Variants in RABGAP1 observed in about 807,000 individuals in gnomAD.
RABGAP1 encodes the protein rab GTPase-activating protein 1.
A neutral mutation model predicts 137.6 loss-of-function variants in RABGAP1; 23 were observed. That is an observed-to-expected ratio of 0.17 (90% CI 0.12 to 0.24). The LOEUF is 0.24. Ranked by LOEUF, RABGAP1 falls within the 10% of genes least tolerant of loss-of-function variation. The pLI, the probability that RABGAP1 is intolerant of heterozygous loss-of-function variation, is 1.00. For synonymous variants in RABGAP1, 451 were observed against 450.7 expected (o/e 1.00, Z -0.01); for missense variants, 906 against 1,275.8 (o/e 0.71, Z 4.42).
chr9:123,067,576 A>G (rs2132128102), intron 14 of RABGAP1, among the ~76,000 whole-genome samples: 1 of 152,312 alleles, frequency 6.6e-6, no homozygotes, highest in African/African-American at 2.4e-5. Flanking sequence ...TGTATGCATT[A>G]ACTACATTGA....
intron 1 of RABGAP1, among the ~76,000 whole-genome samples, chr9:122,950,578 T>C (rs890672703): frequency 6.6e-6 from 1 of 152,136 alleles, no homozygotes; most frequent in Admixed American, 6.5e-5. Flanking sequence ...ACCTCTGTTA[T>C]AACAAGCACT....
At chr9:123,090,704 C>T (rs572818537) in intron 21 of RABGAP1, among the ~76,000 whole-genome samples, 1 of 152,284 alleles carries the variant, frequency 6.6e-6, no homozygotes, top group Non-Finnish European at 1.5e-5. Flanking sequence ...ATTATAATTA[C>T]GTTAACCTCC....
At position 123,070,318 on chromosome 9, in the gene RABGAP1, T is replaced by C; in HGVS notation, c.1909-32T>C. ...CATGGCCCACAAGTGGCTACATTCA[T>C]TTACATTTCCTCTGTGTGTTTTATT... On this transcript the variant is annotated intron_variant, in intron 14 of 25. Coordinates refer to ENST00000373647, the MANE Select transcript of RABGAP1 (RefSeq NM_012197.4). The surrounding 1 kb of genome is among the most constrained non-coding windows in gnomAD (Gnocchi z 4.4). 6.2e-7 allele frequency: 1 copy of C among 1,613,378 alleles called. No individual in the cohort carries two copies. The highest frequency in any genetic ancestry group is 8.5e-7 in the Non-Finnish European group (1 of 1,179,666).
the RABGAP1 span, among the ~76,000 whole-genome samples, chr9:122,935,289 CCTTT>C: frequency 6.6e-6 from 1 of 152,190 alleles, no homozygotes; most frequent in Admixed American, 6.5e-5. Context: ...TCTGCCCTTT[CCTTT>C]CTGTTACTGA....
chr9:122,971,484 C>T (rs1041184372), intron 2 of RABGAP1, among the ~76,000 whole-genome samples: 4 of 152,058 alleles, frequency 2.6e-5, no homozygotes, highest in Non-Finnish European at 1.5e-5. Context: ...GTTAGCAAAC[C>T]CCAGCAGAAC....
At chr9:123,093,541 A>G (rs531195658) in intron 21 of RABGAP1, among the ~76,000 whole-genome samples, 22 of 152,316 alleles carry the variant, frequency 1.4e-4, no homozygotes, top group African/African-American at 5.1e-4. Context: ...TCAGCTCCTT[A>G]TTAGTTCTGT....
upstream of RABGAP1, among the ~76,000 whole-genome samples, chr9:122,937,220 A>G (rs555944791): frequency 2.6e-5 from 4 of 152,330 alleles, no homozygotes; most frequent in East Asian, 5.8e-4. Flanking sequence ...AAATAAATCA[A>G]CTCAAACTAT....
chr9:123,069,161 G>A (rs557527960), intron 14 of RABGAP1, among the ~76,000 whole-genome samples: 16 of 152,182 alleles, frequency 1.1e-4, no homozygotes, highest in Non-Finnish European at 2.2e-4. Flanking sequence ...GAGGAGATGG[G>A]TAGTAATCAT....
At chr9:123,033,878 T>C (rs1041700079) in intron 13 of RABGAP1, 12 of 152,260 alleles carry the variant, frequency 7.9e-5, no homozygotes, top group Admixed American at 7.9e-4. Context: ...TGAAAGGTTT[T>C]CCTAAATATT....
chr9:123,029,292 G>A, intron 13 of RABGAP1: 2 of 562,462 alleles, frequency 3.6e-6, no homozygotes, highest in Non-Finnish European at 3.2e-6. Flanking sequence ...AAAATAATAT[G>A]TTAATTAATC....
In RABGAP1 at chr9:123,030,125, A is replaced by G. The variant is rs75376443; in HGVS notation, c.1794+9666A>G. On this transcript the variant is annotated intron_variant, in intron 13 of 25. Coordinates refer to ENST00000373647, the MANE Select transcript of RABGAP1 (RefSeq NM_012197.4). ...GCAGGTCAGAAAGTATTTAGCTAGC[A>G]ATGAAATGGTTAAGTATCGGTAAGT... is the stretch of plus-strand genomic sequence containing the variant. Among the ~76,000 whole-genome samples the G allele has an allele frequency of 8.9e-3, 1,353 of 152,312 alleles. 16 individuals carry two copies. Among genetic ancestry groups the G allele is most frequent in the African/African-American group, 0.031 (1,280 of 41,580 alleles).
At chr9:123,022,821 C>T (rs1252671232) in intron 13 of RABGAP1, among the ~76,000 whole-genome samples, 5 of 152,044 alleles carry the variant, frequency 3.3e-5, no homozygotes, top group Non-Finnish European at 7.4e-5. Context: ...TGATAGCTAA[C>T]GTAAGTTGGT....
intron 13 of RABGAP1, among the ~76,000 whole-genome samples, chr9:123,056,725 A>G (rs1390571612): frequency 6.6e-6 from 1 of 151,948 alleles, no homozygotes; most frequent in South Asian, 2.1e-4. Context: ...AACAAAGCAC[A>G]TCTTGCACCG....
At chr9:122,946,960 C>T (rs1444682566) in intron 1 of RABGAP1, among the ~76,000 whole-genome samples, 1 of 152,052 alleles carries the variant, frequency 6.6e-6, no homozygotes. Context: ...ATGGATATCC[C>T]AAGTCTCTGA....
intron 2 of RABGAP1, among the ~76,000 whole-genome samples, chr9:122,981,045 G>C (rs1464246163): frequency 2.6e-5 from 4 of 151,998 alleles, no homozygotes; most frequent in Non-Finnish European, 5.9e-5. Context: ...TGTTGTTGTT[G>C]TTGTTCTTGT....
chr9:123,030,864 AT>A (rs2032261579), intron 13 of RABGAP1, among the ~76,000 whole-genome samples: 1 of 152,184 alleles, frequency 6.6e-6, no homozygotes, highest in South Asian at 2.1e-4. Flanking sequence ...TTGTTAATAA[AT>A]TGTGTCTTTT....
At chr9:122,939,164 T>C (rs1001707191), upstream of RABGAP1, 2 of 152,206 alleles carry the variant, frequency 1.3e-5, no homozygotes, top group Non-Finnish European at 2.9e-5. Context: ...ATAGAAAATG[T>C]GAATGTGATC....
At chr9:123,097,706 T>A in intron 21 of RABGAP1, 35 bp from the exon 22 acceptor site, 1 of 1,563,660 alleles carries the variant, frequency 6.4e-7, no homozygotes, top group South Asian at 1.2e-5. Flanking sequence ...AGTTCCCAAT[T>A]CTTGTTTTGT....
At chr9:123,005,301 CTT>C (rs199909145) in intron 10 of RABGAP1, among the ~76,000 whole-genome samples, 1 of 135,766 alleles carries the variant, frequency 7.4e-6, no homozygotes. Flanking sequence ...TTTTTTTTTC[CTT>C]TTTTTTTTGA....
Sources: gnomAD v4.1 joint callset for allele counts (sites outside exome capture counted in the v4.1 genomes callset) on GRCh38, gnomAD v4.1.1 for gene constraint, Gnocchi (gnomAD v3.1) non-coding constraint, MANE v1.5 for transcripts, NCBI Gene and HGNC (gene_info 2026-07-23, HGNC 2026-07-21) for gene names.